BCAT2: variants seen among roughly 807,000 people sequenced by gnomAD.
BCAT2 encodes the protein branched-chain-amino-acid aminotransferase, mitochondrial.
Under a neutral mutation model 52.9 loss-of-function variants are expected in BCAT2, and 44 were observed. That is an observed-to-expected ratio of 0.83 (90% CI 0.65 to 1.07). The LOEUF (loss-of-function observed/expected upper bound fraction) is 1.07. Among genes scored for constraint, BCAT2 ranks in the 50% least tolerant of loss-of-function variants. The pLI is 0.00. For missense variants in BCAT2, 478 were observed against 521.8 expected, an observed-to-expected ratio of 0.92 and a Z score of 0.82; for synonymous variants, 215 against 217.1, an observed-to-expected ratio of 0.99 and a Z score of 0.08.
intron 3 of BCAT2, among the ~76,000 whole-genome samples, chr19:48,805,319 G>C (rs1027054382): frequency 1.3e-5 from 2 of 152,108 alleles, no homozygotes; most frequent in Admixed American, 1.3e-4. Flanking sequence ...ACAGGCCCAA[G>C]GTCTACCTGG....
At position 48,797,029 on chromosome 19, in the gene BCAT2, C is replaced by T; in HGVS notation, c.839-7G>A. 6.2e-7 allele frequency: 1 copy of T among 1,614,154 alleles called. No homozygotes were observed. The highest frequency in any genetic ancestry group is 8.5e-7 in the Non-Finnish European group (1 of 1,179,986). Reference sequence around the variant, plus strand: ...GGCGTCACCAGCTCCAGCACTAGGGCAGGTGTAAGGGGTGGAAGATGTTAC... The same window carrying T: ...GGCGTCACCAGCTCCAGCACTAGGGTAGGTGTAAGGGGTGGAAGATGTTAC... On this transcript the variant is annotated splice_polypyrimidine_tract_variant and splice_region_variant and intron_variant, in intron 7 of 10. Coordinates refer to ENST00000316273, the MANE Select transcript of BCAT2 (RefSeq NM_001190.4).
rs1384813174 is a variant in BCAT2 at position 48,799,660 on chromosome 19, G to A, written c.695+15C>T. On this transcript the variant is annotated intron_variant, in intron 6 of 10. Coordinates refer to ENST00000316273, the MANE Select transcript of BCAT2 (RefSeq NM_001190.4). This position sits in a 1 kb window ranked among gnomAD's most constrained non-coding sequence, Gnocchi z 5.5. Reference sequence around the variant, plus strand: ...CCAGTGCGCCAGTCGTTCTGGGGATGGGGGTGCTACTTACCCACCTAACTT... The same window carrying A: ...CCAGTGCGCCAGTCGTTCTGGGGATAGGGGTGCTACTTACCCACCTAACTT... 2 of 1,556,010 alleles carry A rather than the reference G, an allele frequency of 1.3e-6. No homozygotes were observed. The highest frequency in any genetic ancestry group is 1.7e-6 in the Non-Finnish European group (2 of 1,154,670).
chr19:48,806,554 A>C lies in BCAT2; in HGVS notation c.263T>G (p.Leu88Arg). The change falls in exon 3 of 11, where the codon CTG becomes CGG. Residue 88 changes from leucine to arginine, a missense_variant. Physicochemically the swap from Leu to Arg is moderately radical, Grantham distance 102 (BLOSUM62 -2). Coordinates refer to ENST00000316273, the MANE Select transcript of BCAT2 (RefSeq NM_001190.4). ...GTGGAGGCTGGAGGAGGCTGGGTGCAGCGTGAGGTTCTGGAAGGGCTGGAT... is the reference window on the plus strand; with the variant it reads ...GTGGAGGCTGGAGGAGGCTGGGTGCCGCGTGAGGTTCTGGAAGGGCTGGAT... ...PRIQPFQNLT[L>R]HPASSSLHYS... is the part of the protein sequence containing the mutation. 2 of 1,614,056 alleles carry C rather than the reference A, an allele frequency of 1.2e-6. No individual in the cohort carries two copies. Among genetic ancestry groups the C allele is most frequent in the Non-Finnish European group, 1.7e-6 (2 of 1,179,990 alleles).
chr19:48,803,100 C>A (rs1053429539), intron 3 of BCAT2, among the ~76,000 whole-genome samples: 7 of 152,184 alleles, frequency 4.6e-5, no homozygotes, highest in Admixed American at 1.3e-4. Flanking sequence ...GAGGCAGAGG[C>A]AGGAGGATCA....
At chr19:48,804,174 CA>C (rs1234175180) in intron 3 of BCAT2, among the ~76,000 whole-genome samples, 1 of 59,404 alleles carries the variant, frequency 1.7e-5, no homozygotes, top group Non-Finnish European at 3.7e-5. Context: ...AATAAACAAA[CA>C]AACAAACAAA....
At chr19:48,801,355 G>A (rs2034654149) in intron 3 of BCAT2, among the ~76,000 whole-genome samples, 1 of 151,978 alleles carries the variant, frequency 6.6e-6, no homozygotes, top group Admixed American at 6.6e-5. Flanking sequence ...AAAATGAGGG[G>A]CAAGATGGGG....
chr19:48,809,555 G>T (rs1329733030), intron 1 of BCAT2, among the ~76,000 whole-genome samples: 1 of 151,782 alleles, frequency 6.6e-6, no homozygotes, highest in Non-Finnish European at 1.5e-5. Context: ...CCCCATCACA[G>T]ACCAGGGCTG....
At chr19:48,802,280 T>C (rs1051458875) in intron 3 of BCAT2, among the ~76,000 whole-genome samples, 4 of 152,016 alleles carry the variant, frequency 2.6e-5, no homozygotes, top group African/African-American at 9.7e-5. Context: ...CAGGCTCTGC[T>C]GGTGGGTGTG....
chr19:48,804,587 G>C (rs986991419), intron 3 of BCAT2, among the ~76,000 whole-genome samples: 4 of 151,964 alleles, frequency 2.6e-5, no homozygotes, highest in African/African-American at 4.8e-5. Flanking sequence ...TAATACACGT[G>C]GTCGGCCTGC....
rs923257740 is a variant in BCAT2, at chr19:48,807,870, G to A, written c.25-796C>T. ...AGTCCTCACTGCATGAGGCTCAGGC[G>A]GGTCCTCCCAGAGGGGAGTAGGAAG... On this transcript the variant is annotated intron_variant, in intron 1 of 10. Coordinates refer to ENST00000316273, the MANE Select transcript of BCAT2 (RefSeq NM_001190.4). This position sits in a 1 kb window ranked among gnomAD's most constrained non-coding sequence, Gnocchi z 4.6. 52 of 985,556 alleles carry A rather than the reference G, an allele frequency of 5.3e-5. No individual in the cohort carries two copies. Among genetic ancestry groups the A allele is most frequent in the Non-Finnish European group, 6.3e-5 (52 of 830,056 alleles). 61.1% of individuals were successfully genotyped at this position (985,556 alleles called of 1,614,324 possible). A position where few individuals can be genotyped will look rare whatever the true frequency, so the allele number is the denominator to read the frequency against.
intron 1 of BCAT2, 157 bp downstream of exon 1, chr19:48,810,827 T>C: frequency 1.4e-6 from 2 of 1,463,322 alleles, no homozygotes; most frequent in African/African-American, 3.0e-5. Context: ...AGCCTCGTGC[T>C]CCTTTCCAAA....
chr19:48,807,207 G>C lies in BCAT2; in HGVS notation c.25-133C>G, dbSNP rs946801364. 1.3e-6 allele frequency: 1 copy of C among 748,518 alleles called. No individual in the cohort carries two copies. 46.4% of individuals were successfully genotyped at this position (748,518 alleles called of 1,614,324 possible). A position where few individuals can be genotyped will look rare whatever the true frequency, so the allele number is the denominator to read the frequency against. On this transcript the variant is annotated intron_variant, in intron 1 of 10. Transcript: ENST00000316273. This position sits in a 1 kb window ranked among gnomAD's most constrained non-coding sequence, Gnocchi z 4.6. The stretch of plus-strand genomic sequence containing the variant: ...GTCCCAGTTTCAGTCCATTCTAGAC[G>C]GGGCAGGTGGTCCTGAAGGAGGCCA...
chr19:48,801,012 G>A (rs1386871361), intron 3 of BCAT2, among the ~76,000 whole-genome samples: 1 of 151,528 alleles, frequency 6.6e-6, no homozygotes, highest in East Asian at 1.9e-4. Context: ...TTTTGAGACA[G>A]GGTCTCACTC....
chr19:48,795,404 A>C lies in BCAT2; in HGVS notation c.*22T>G. On this transcript the variant is annotated 3_prime_UTR_variant, in exon 11 of 11. Coordinates refer to ENST00000316273, the MANE Select transcript of BCAT2 (RefSeq NM_001190.4). ...GTGACGAGATGCTACGGGTCGGTGG[A>C]TCTGGAGCACAGCCTGCAGCTTCAC... The C allele has an allele frequency of 6.2e-7, 1 of 1,613,880 alleles. No homozygotes were observed. Among genetic ancestry groups the C allele is most frequent in the Non-Finnish European group, 8.5e-7 (1 of 1,179,960 alleles).
intron 4 of BCAT2, 27 bp from the exon 5 acceptor site, chr19:48,800,127 G>A (rs769780111): frequency 1.2e-6 from 2 of 1,613,376 alleles, no homozygotes; most frequent in South Asian, 2.2e-5. Context: ...ATGAGTCAAG[G>A]GGCCCTTGCT....
At chr19:48,809,919 T>C (rs1482895497) in intron 1 of BCAT2, among the ~76,000 whole-genome samples, 2 of 152,134 alleles carry the variant, frequency 1.3e-5, no homozygotes, top group Non-Finnish European at 2.9e-5. Context: ...AGCTGAGGAC[T>C]CAGCCCAATT....
rs758453503 is a variant in BCAT2, at chr19:48,809,767, TAA to T, written c.24+1215_24+1216del. On this transcript the variant is annotated intron_variant, in intron 1 of 10. Coordinates refer to ENST00000316273, the MANE Select transcript of BCAT2 (RefSeq NM_001190.4). ...ATTTCCTATTCACCAGGTCTGAAAT[TAA>T]AAAAAAAAAAAAAATCCCATTGTTG... Among the ~76,000 whole-genome samples, 232 of 145,676 alleles carry T rather than the reference TAA, an allele frequency of 1.6e-3. 1 individual carries two copies. The highest frequency in any genetic ancestry group is 5.2e-3 in the African/African-American group (209 of 39,960).
intron 3 of BCAT2, among the ~76,000 whole-genome samples, chr19:48,805,270 G>A (rs1465426872): frequency 6.6e-6 from 1 of 152,092 alleles, no homozygotes; most frequent in Non-Finnish European, 1.5e-5. Context: ...CTCACCAGGT[G>A]CCACAAAGCC....
chr19:48,807,668 A>AGTCCAGTT lies in BCAT2; in HGVS notation c.25-602_25-595dup, dbSNP rs1179652917. The AGTCCAGTT allele has an allele frequency of 4.2e-6, 4 of 945,646 alleles. No homozygotes were observed. In the African/African-American group the frequency reaches 7.1e-5, roughly 17 times the overall value. 58.6% of individuals were successfully genotyped at this position (945,646 alleles called of 1,614,324 possible). A position where few individuals can be genotyped will look rare whatever the true frequency, so the allele number is the denominator to read the frequency against. ...CCACCCCTCCTCCCTCAGACCCAGG[A>AGTCCAGTT]GTCCAGTTCCCCAGCCCCTCCTCCG... is the stretch of plus-strand genomic sequence containing the variant. On this transcript the variant is annotated intron_variant, in intron 1 of 10. Transcript: ENST00000316273. The surrounding 1 kb of genome is among the most constrained non-coding windows in gnomAD (Gnocchi z 4.6).
Sources: gnomAD v4.1 joint callset for allele counts (sites outside exome capture counted in the v4.1 genomes callset) on GRCh38, gnomAD v4.1.1 for gene constraint, Gnocchi (gnomAD v3.1) non-coding constraint, MANE v1.5 for transcripts, NCBI Gene and HGNC (gene_info 2026-07-23, HGNC 2026-07-21) for gene names.